Variants in SOX5 observed in about 807,000 individuals in gnomAD.
SOX5 encodes SRY-box transcription factor 5, also known as transcription factor SOX-5.
SOX5 carries 9 observed loss-of-function variants against 92.0 expected under a neutral mutation model. The ratio of observed to expected loss-of-function variants is 0.10; its 90% CI spans 0.06 to 0.17. The LOEUF is 0.17. SOX5 is among the 10% of genes least tolerant of loss of function. SOX5 has a pLI of 1.00. For missense variants in SOX5, 642 were observed against 944.5 expected, an observed-to-expected ratio of 0.68 and a Z score of 4.20; for synonymous variants, 344 against 336.3, an observed-to-expected ratio of 1.02 and a Z score of -0.25.
intron 1 of SOX5, among the ~76,000 whole-genome samples, chr12:24,548,485 G>A (rs1485497409): frequency 1.3e-5 from 2 of 152,310 alleles, no homozygotes; most frequent in South Asian, 2.1e-4. Context: ...GTGAAGGCAA[G>A]TATGTATATG....
rs565913562 is a variant in SOX5 at position 24,174,096 on chromosome 12, C to G, written c.-2+39247G>C. Among the ~76,000 whole-genome samples, 11 of 152,048 alleles carry G rather than the reference C, an allele frequency of 7.2e-5. No homozygotes were observed. In the South Asian group the frequency reaches 1.0e-3, roughly 14 times the overall value. ...CACTGCAACCTACGCCTCCTGGGTTCAAGTGATCCTCCAGCCTCAGCCTCC... is the reference window on the plus strand; with the variant it reads ...CACTGCAACCTACGCCTCCTGGGTTGAAGTGATCCTCCAGCCTCAGCCTCC... On this transcript the variant is annotated intron_variant, in intron 4 of 4. Coordinates refer to the SOX5 transcript ENST00000446891.
At chr12:24,560,241 T>G (rs1317182435) in intron 1 of SOX5, among the ~76,000 whole-genome samples, 1 of 152,178 alleles carries the variant, frequency 6.6e-6, no homozygotes, top group Non-Finnish European at 1.5e-5. Context: ...AATAACTAAA[T>G]AATTATGCAC....
chr12:23,984,166 A>G (rs941648738), intron 4 of SOX5, among the ~76,000 whole-genome samples: 45 of 152,158 alleles, frequency 3.0e-4, no homozygotes, highest in Admixed American at 3.0e-3. Context: ...CACTGTGCTA[A>G]GCATCAGAGA....
At chr12:23,636,288 T>C (rs547692454) in intron 8 of SOX5, among the ~76,000 whole-genome samples, 1 of 152,328 alleles carries the variant, frequency 6.6e-6, no homozygotes, top group East Asian at 1.9e-4. Context: ...TAGAATATTT[T>C]AACTGCTTCT....
chr12:23,940,915 T>C (rs959646987), intron 1 of SOX5, among the ~76,000 whole-genome samples: 29 of 151,370 alleles, frequency 1.9e-4, no homozygotes, highest in African/African-American at 6.5e-4. Context: ...TCGGTTCAAA[T>C]TTTCCATTAA....
Position 23,718,827 on chromosome 12 carries a change from G to A in SOX5, c.810+15857C>T, listed in dbSNP as rs564967920. Among the ~76,000 whole-genome samples the A allele has an allele frequency of 7.2e-5, 11 of 152,256 alleles. No individual in the cohort carries two copies. The South Asian group carries it at 1.0e-3, about 14-fold the overall frequency. ...GCTAATGCAGCTACATGGAGGAGAC[G>A]GGCAATAGGAGAACATCAATTCCAA... On this transcript the variant is annotated intron_variant, in intron 6 of 14. Transcript: ENST00000451604.
At chr12:24,274,853 G>A (rs772458388) in intron 3 of SOX5, among the ~76,000 whole-genome samples, 6 of 152,078 alleles carry the variant, frequency 3.9e-5, no homozygotes, top group Non-Finnish European at 8.8e-5. Context: ...TTATACACAA[G>A]TTGTGCTTTG....
intron 4 of SOX5, among the ~76,000 whole-genome samples, chr12:24,124,852 AGT>A (rs1593380494): frequency 1.3e-5 from 2 of 152,376 alleles, no homozygotes; most frequent in East Asian, 3.9e-4. Context: ...AATACATGAT[AGT>A]AGCATTTGTG....
At chr12:24,408,783 G>A (rs539428142) in intron 1 of SOX5, among the ~76,000 whole-genome samples, 5 of 152,108 alleles carry the variant, frequency 3.3e-5, no homozygotes, top group African/African-American at 4.8e-5. Context: ...AATTCACACC[G>A]ATTAATAATT....
At chr12:23,696,237 A>G (rs1394442163) in intron 6 of SOX5, among the ~76,000 whole-genome samples, 2 of 152,062 alleles carry the variant, frequency 1.3e-5, no homozygotes, top group Non-Finnish European at 2.9e-5. Context: ...CAATTCACCA[A>G]TGAAACCATC....
At chr12:23,850,473 TA>T (rs143417316) in intron 2 of SOX5, among the ~76,000 whole-genome samples, 97,346 of 144,900 alleles carry the variant, frequency 0.67, 33,046 homozygotes, top group East Asian at 0.86. Context: ...AAATAAAAAA[TA>T]AAAAAAAAAT....
chr12:23,832,221 A>T (rs2096338025), intron 3 of SOX5, among the ~76,000 whole-genome samples: 1 of 151,896 alleles, frequency 6.6e-6, no homozygotes, highest in South Asian at 2.1e-4. Flanking sequence ...GTTTCAATTT[A>T]ATCCCCATTA....
intron 2 of SOX5, among the ~76,000 whole-genome samples, chr12:24,331,871 A>AT (rs1951362832): frequency 6.7e-6 from 1 of 149,502 alleles, no homozygotes; most frequent in Non-Finnish European, 1.5e-5. Context: ...AAAAAAAAAA[A>AT]AAAAGGAAAG....
At chr12:24,533,349 A>C (rs1339622179) in intron 1 of SOX5, among the ~76,000 whole-genome samples, 2 of 152,318 alleles carry the variant, frequency 1.3e-5, no homozygotes, top group Admixed American at 1.3e-4. Flanking sequence ...TCTCACATAC[A>C]CAACGTATTT....
intron 1 of SOX5, among the ~76,000 whole-genome samples, chr12:24,538,955 CTG>C (rs1318496372): frequency 2.6e-5 from 4 of 152,138 alleles, no homozygotes; most frequent in African/African-American, 9.7e-5. Context: ...CAATATCACA[CTG>C]TTATACTTTC....
chr12:23,833,190 G>A (rs549760776), intron 3 of SOX5, among the ~76,000 whole-genome samples: 1 of 152,046 alleles, frequency 6.6e-6, no homozygotes. Context: ...TACCTCTGAG[G>A]GAAGCTTGGA....
chr12:23,996,387 G>A (rs376310076), intron 4 of SOX5, among the ~76,000 whole-genome samples: 5 of 152,114 alleles, frequency 3.3e-5, no homozygotes, highest in Middle Eastern at 3.2e-3. Context: ...ATACATTGCC[G>A]GTGGGAATGT....
At chr12:24,184,047 A>T (rs1955781456) in intron 4 of SOX5, among the ~76,000 whole-genome samples, 1 of 152,140 alleles carries the variant, frequency 6.6e-6, no homozygotes, top group African/African-American at 2.4e-5. Flanking sequence ...CAAAAGCTTT[A>T]ATTATACCTA....
chr12:23,677,486 T>C (rs979158245), intron 6 of SOX5, among the ~76,000 whole-genome samples: 1 of 152,134 alleles, frequency 6.6e-6, no homozygotes, highest in African/African-American at 2.4e-5. Flanking sequence ...CAATATAAAG[T>C]AACATAACTG....
Sources: allele counts gnomAD v4.1 joint callset (sites outside exome capture counted in the v4.1 genomes callset), GRCh38; gene constraint gnomAD v4.1.1; transcripts MANE v1.5; gene names NCBI Gene and HGNC (gene_info 2026-07-23, HGNC 2026-07-21).